Variants in NPAS3 observed in about 807,000 individuals in gnomAD.
The protein encoded by NPAS3 is neuronal PAS domain-containing protein 3.
Under a neutral mutation model 73.1 loss-of-function variants are expected in NPAS3, and 14 were observed. The ratio of observed to expected loss-of-function variants is 0.19; its 90% CI spans 0.13 to 0.30. The LOEUF is 0.30. Ranked by LOEUF, NPAS3 falls within the 10% of genes least tolerant of loss-of-function variation. NPAS3 has a pLI of 1.00. For synonymous variants in NPAS3, 620 were observed against 541.5 expected (o/e 1.14, Z -2.01); for missense variants, 1,096 against 1,250.0 (o/e 0.88, Z 1.86).
intron 3 of NPAS3, among the ~76,000 whole-genome samples, chr14:33,240,055 A>C (rs17100427): frequency 0.022 from 3,394 of 151,966 alleles, 163 homozygotes; most frequent in East Asian, 0.12. Flanking sequence ...TTTACTAGAG[A>C]AAATGTGCTT....
At chr14:33,383,876 C>A (rs561661856) in intron 4 of NPAS3, among the ~76,000 whole-genome samples, 1 of 152,236 alleles carries the variant, frequency 6.6e-6, no homozygotes, top group Admixed American at 6.5e-5. Flanking sequence ...AAATCTCGAG[C>A]ATGTTATAAT....
intron 4 of NPAS3, among the ~76,000 whole-genome samples, chr14:33,470,550 ACC>A (rs1439826070): frequency 1.0e-3 from 155 of 152,260 alleles, no homozygotes; most frequent in African/African-American, 3.7e-3. Flanking sequence ...AGGGGAGGAA[ACC>A]TTCTAAAGTT....
intron 2 of NPAS3, among the ~76,000 whole-genome samples, chr14:33,099,552 G>A (rs2042523642): frequency 6.6e-6 from 1 of 152,024 alleles, no homozygotes; most frequent in Non-Finnish European, 1.5e-5. Flanking sequence ...CTTTGTATAA[G>A]GTAAACTCTT....
At chr14:33,130,571 A>T (rs569709461) in intron 2 of NPAS3, among the ~76,000 whole-genome samples, 2 of 152,170 alleles carry the variant, frequency 1.3e-5, no homozygotes, top group African/African-American at 4.8e-5. Context: ...CTAATTTTGT[A>T]ATCACATTGT....
intron 4 of NPAS3, among the ~76,000 whole-genome samples, chr14:33,391,601 A>T (rs1203221172): frequency 6.6e-6 from 1 of 152,196 alleles, no homozygotes; most frequent in East Asian, 1.9e-4. Flanking sequence ...AGAGAAAGAG[A>T]GGTAGAGAGG....
intron 5 of NPAS3, among the ~76,000 whole-genome samples, chr14:33,632,963 T>C (rs187309955): frequency 6.6e-6 from 1 of 152,294 alleles, no homozygotes; most frequent in East Asian, 1.9e-4. Context: ...CAGCCTTCTG[T>C]ATCAGCAGGT....
intron 3 of NPAS3, among the ~76,000 whole-genome samples, chr14:33,262,235 A>G (rs78243116): frequency 3.0e-3 from 452 of 152,322 alleles, no homozygotes; most frequent in African/African-American, 0.01. Context: ...TCAGAATCCC[A>G]GGAGAAACTT....
intron 4 of NPAS3, among the ~76,000 whole-genome samples, chr14:33,430,789 G>T (rs1401208181): frequency 6.6e-6 from 1 of 152,150 alleles, no homozygotes; most frequent in African/African-American, 2.4e-5. Context: ...TTAATGAGAG[G>T]AGTGGTGGCC....
chr14:33,198,042 G>A (rs1444473358), intron 2 of NPAS3, among the ~76,000 whole-genome samples: 2 of 150,646 alleles, frequency 1.3e-5, no homozygotes, highest in Non-Finnish European at 3.0e-5. Context: ...CAGCTCTTAA[G>A]GCAGTGCGTC....
At chr14:33,713,287 G>A (rs753559641) in intron 6 of NPAS3, among the ~76,000 whole-genome samples, 3 of 152,168 alleles carry the variant, frequency 2.0e-5, no homozygotes, top group Non-Finnish European at 4.4e-5. Context: ...TCCTTCCATC[G>A]TGCTACTCTT....
chr14:33,738,945 G>A (rs534573771), intron 7 of NPAS3, among the ~76,000 whole-genome samples: 34 of 152,262 alleles, frequency 2.2e-4, no homozygotes, highest in African/African-American at 7.0e-4. Context: ...TAATTGGGTC[G>A]CCTCCTTAGC....
At chr14:33,260,669 A>G (rs2048943571) in intron 3 of NPAS3, among the ~76,000 whole-genome samples, 1 of 152,054 alleles carries the variant, frequency 6.6e-6, no homozygotes, top group Non-Finnish European at 1.5e-5. Flanking sequence ...TCTGTTTCTC[A>G]CCGATAACAG....
chr14:33,334,197 C>A (rs1399023225), intron 3 of NPAS3, among the ~76,000 whole-genome samples: 1 of 151,986 alleles, frequency 6.6e-6, no homozygotes, highest in Non-Finnish European at 1.5e-5. Flanking sequence ...TTTATTATGA[C>A]CTCTTTTTTC....
intron 1 of NPAS3, among the ~76,000 whole-genome samples, chr14:32,984,580 CA>C (rs1184818179): frequency 6.6e-6 from 1 of 152,048 alleles, no homozygotes; most frequent in Non-Finnish European, 1.5e-5. Context: ...AATTTTAAAG[CA>C]GTTTTTTCTT....
chr14:33,244,657 C>T (rs1404049927), intron 3 of NPAS3, among the ~76,000 whole-genome samples: 1 of 152,188 alleles, frequency 6.6e-6, no homozygotes, highest in East Asian at 1.9e-4. Flanking sequence ...TAAATGGCCT[C>T]TAAGTGGTAC....
chr14:33,712,900 A>T (rs2060861221), intron 6 of NPAS3, among the ~76,000 whole-genome samples: 1 of 152,190 alleles, frequency 6.6e-6, no homozygotes, highest in South Asian at 2.1e-4. Flanking sequence ...AAATTAGAGG[A>T]TTCATTCTAA....
chr14:33,439,900 G>T (rs1185190623), intron 4 of NPAS3, among the ~76,000 whole-genome samples: 3 of 152,272 alleles, frequency 2.0e-5, no homozygotes, highest in African/African-American at 7.2e-5. Flanking sequence ...TGCATCACGA[G>T]GTCAGGAGAT....
intron 3 of NPAS3, among the ~76,000 whole-genome samples, chr14:33,228,822 G>A (rs1028649817): frequency 2.6e-5 from 4 of 152,100 alleles, no homozygotes; most frequent in South Asian, 2.1e-4. Flanking sequence ...GATGATTAAC[G>A]CGAAAGGAGA....
chr14:33,240,018 A>G (rs2139823603), intron 3 of NPAS3, among the ~76,000 whole-genome samples: 1 of 151,908 alleles, frequency 6.6e-6, no homozygotes, highest in East Asian at 1.9e-4. Flanking sequence ...CTTAATGGTC[A>G]AAGCACTACT....
Sources: allele counts gnomAD v4.1 joint callset (sites outside exome capture counted in the v4.1 genomes callset), GRCh38; gene constraint gnomAD v4.1.1; transcripts MANE v1.5; gene names NCBI Gene and HGNC (gene_info 2026-07-23, HGNC 2026-07-21).